The following KLF12 variants were observed in gnomAD, a reference collection of about 807,000 sequenced individuals.
KLF12 encodes Krueppel-like factor 12.
A neutral mutation model predicts 37.8 loss-of-function variants in KLF12; 9 were observed. The ratio of observed to expected loss-of-function variants is 0.24; its 90% CI spans 0.14 to 0.42. KLF12 has a LOEUF of 0.42. Among genes scored for constraint, KLF12 ranks in the 10% least tolerant of loss-of-function variants. The pLI, the probability that KLF12 is intolerant of heterozygous loss-of-function variation, is 1.00. For missense variants in KLF12, 411 were observed against 516.0 expected (o/e 0.80, Z 1.97); for synonymous variants, 208 against 202.1 (o/e 1.03, Z -0.25).
intron 5 of KLF12, among the ~76,000 whole-genome samples, chr13:73,783,044 A>C (rs140289034): frequency 1.3e-5 from 2 of 152,314 alleles, no homozygotes; most frequent in Non-Finnish European, 2.9e-5. Flanking sequence ...CCCTGCTGGA[A>C]TCATTCCACA....
chr13:73,738,080 T>C (rs1413182426), intron 6 of KLF12, among the ~76,000 whole-genome samples: 2 of 144,832 alleles, frequency 1.4e-5, no homozygotes, highest in African/African-American at 5.0e-5. Flanking sequence ...CACACACATA[T>C]ATGTATGTGT....
chr13:74,199,026 G>A, the KLF12 span, among the ~76,000 whole-genome samples: 5 of 152,296 alleles, frequency 3.3e-5, no homozygotes, highest in Admixed American at 2.6e-4. Context: ...AGTGAGAGCC[G>A]AGGTGGGATG....
chr13:74,281,346 C>T, the KLF12 span, among the ~76,000 whole-genome samples: 1 of 152,122 alleles, frequency 6.6e-6, no homozygotes, highest in East Asian at 1.9e-4. Flanking sequence ...TCCTGTCCCT[C>T]TTTCCCGCAA....
chr13:74,163,221 C>G, the KLF12 span, among the ~76,000 whole-genome samples: 11 of 152,102 alleles, frequency 7.2e-5, no homozygotes, highest in African/African-American at 2.7e-4. Flanking sequence ...TTCAGAAATC[C>G]CACTGCTGGG....
At chr13:74,085,929 A>G (rs1207522891) in intron 1 of KLF12, among the ~76,000 whole-genome samples, 1 of 152,170 alleles carries the variant, frequency 6.6e-6, no homozygotes, top group Admixed American at 6.5e-5. Flanking sequence ...ATTACCTGCA[A>G]TGATGAAAAA....
At chr13:74,122,977 A>AC (rs1877723670) in intron 1 of KLF12, among the ~76,000 whole-genome samples, 1 of 150,988 alleles carries the variant, frequency 6.6e-6, no homozygotes, top group East Asian at 1.9e-4. Flanking sequence ...AAAAAAAAAA[A>AC]AAGAATGAAT....
chr13:74,274,790 T>C, the KLF12 span, among the ~76,000 whole-genome samples: 1 of 152,174 alleles, frequency 6.6e-6, no homozygotes, highest in African/African-American at 2.4e-5. Flanking sequence ...CATTGTTACA[T>C]TGTTATTCCT....
chr13:74,045,045 C>T (rs1461269576), intron 1 of KLF12, among the ~76,000 whole-genome samples: 2 of 152,052 alleles, frequency 1.3e-5, no homozygotes, highest in Non-Finnish European at 2.9e-5. Context: ...AGAATAATTC[C>T]AAATAATTTA....
chr13:73,809,676 C>G (rs527636729), intron 5 of KLF12, among the ~76,000 whole-genome samples: 1 of 152,026 alleles, frequency 6.6e-6, no homozygotes, highest in African/African-American at 2.4e-5. Context: ...ATCTATATAT[C>G]TACATTTAAG....
At chr13:74,273,889 C>T in the KLF12 span, among the ~76,000 whole-genome samples, 17 of 152,124 alleles carry the variant, frequency 1.1e-4, no homozygotes, top group South Asian at 3.1e-3. Context: ...AAGAATAATA[C>T]GAAGTATTAT....
chr13:73,696,313 T>G (rs967854186), intron 7 of KLF12, among the ~76,000 whole-genome samples: 1 of 152,164 alleles, frequency 6.6e-6, no homozygotes, highest in African/African-American at 2.4e-5. Context: ...AGAATCAGGG[T>G]AAGCCCTGAG....
intron 1 of KLF12, among the ~76,000 whole-genome samples, chr13:74,033,236 T>C (rs1233605489): frequency 2.0e-5 from 3 of 152,194 alleles, no homozygotes; most frequent in Non-Finnish European, 4.4e-5. Context: ...AATAAGAAAG[T>C]TGAGATCCCT....
the KLF12 span, among the ~76,000 whole-genome samples, chr13:74,298,975 C>T: frequency 8.0e-3 from 1,216 of 152,152 alleles, 8 homozygotes; most frequent in Non-Finnish European, 0.013. Flanking sequence ...CCTCAAAGAA[C>T]GGAATTCTCA....
chr13:74,008,124 T>C (rs1029054184), intron 1 of KLF12, among the ~76,000 whole-genome samples: 1 of 152,336 alleles, frequency 6.6e-6, no homozygotes, highest in South Asian at 2.1e-4. Context: ...ATTCTGAACA[T>C]TTACTGAGGC....
At chr13:73,958,034 T>G (rs928620647) in intron 2 of KLF12, among the ~76,000 whole-genome samples, 1 of 152,200 alleles carries the variant, frequency 6.6e-6, no homozygotes, top group Admixed American at 6.5e-5. Context: ...CATGCAGTTT[T>G]GTTGCACCGT....
At chr13:73,969,462 T>C (rs1288266568) in intron 2 of KLF12, among the ~76,000 whole-genome samples, 1 of 152,228 alleles carries the variant, frequency 6.6e-6, no homozygotes, top group African/African-American at 2.4e-5. Flanking sequence ...TCTTTCCTTC[T>C]TCACTTTAGG....
chr13:73,744,294 T>A (rs138342197), intron 6 of KLF12, among the ~76,000 whole-genome samples: 8 of 152,274 alleles, frequency 5.3e-5, no homozygotes, highest in Non-Finnish European at 1.0e-4. Flanking sequence ...AATAACTGAA[T>A]TTCTATTTTG....
the KLF12 span, among the ~76,000 whole-genome samples, chr13:74,271,866 G>A: frequency 6.6e-6 from 1 of 152,250 alleles, no homozygotes; most frequent in Non-Finnish European, 1.5e-5. Flanking sequence ...CATGGGTATG[G>A]TGACCAGACT....
chr13:74,092,222 G>C (rs547210667), intron 1 of KLF12, among the ~76,000 whole-genome samples: 1 of 148,600 alleles, frequency 6.7e-6, no homozygotes, highest in African/African-American at 2.5e-5. Flanking sequence ...ACTTGAACCC[G>C]GGAGGTGGAG....
Sources: gnomAD v4.1 joint callset for allele counts (sites outside exome capture counted in the v4.1 genomes callset) on GRCh38, gnomAD v4.1.1 for gene constraint, MANE v1.5 for transcripts, NCBI Gene and HGNC (gene_info 2026-07-23, HGNC 2026-07-21) for gene names.